TNFSF4: variants seen among roughly 807,000 people sequenced by gnomAD.
TNFSF4 encodes TNF superfamily member 4.
TNFSF4 carries 4 observed loss-of-function variants against 7.3 expected under a neutral mutation model. The observed-to-expected ratio is 0.55, with a 90% CI of 0.27 to 1.25. The LOEUF (loss-of-function observed/expected upper bound fraction) is 1.25. Among genes scored for constraint, TNFSF4 ranks in the 50% most tolerant of loss-of-function variants. The pLI, the probability that TNFSF4 is intolerant of heterozygous loss-of-function variation, is 0.12. For missense variants in TNFSF4, 181 were observed against 208.8 expected (o/e 0.87, Z 0.82); for synonymous variants, 76 against 83.7 (o/e 0.91, Z 0.50).
chr1:173,261,442 C>A, the TNFSF4 span, among the ~76,000 whole-genome samples: 2 of 151,734 alleles, frequency 1.3e-5, no homozygotes, highest in Non-Finnish European at 2.9e-5. Context: ...GCAAACAAAC[C>A]CCAAAGCTAG....
At chr1:173,282,544 C>T in the TNFSF4 span, among the ~76,000 whole-genome samples, 4 of 151,886 alleles carry the variant, frequency 2.6e-5, no homozygotes, top group Non-Finnish European at 5.9e-5. Flanking sequence ...CTGCAACCTC[C>T]ACCTCCCAGG....
the TNFSF4 span, among the ~76,000 whole-genome samples, chr1:173,372,984 G>T: frequency 1.4e-3 from 218 of 152,344 alleles, 1 homozygote; most frequent in African/African-American, 4.8e-3. Context: ...AACAGTACTT[G>T]AAAGTAAGCC....
At chr1:173,307,976 G>A in the TNFSF4 span, among the ~76,000 whole-genome samples, 1 of 151,870 alleles carries the variant, frequency 6.6e-6, no homozygotes, top group Non-Finnish European at 1.5e-5. Context: ...TAGTAAGGTG[G>A]AGCACCTGGT....
the TNFSF4 span, among the ~76,000 whole-genome samples, chr1:173,378,496 C>A: frequency 1.3e-5 from 2 of 152,156 alleles, no homozygotes; most frequent in African/African-American, 2.4e-5. Context: ...CCATTGGGAC[C>A]AATTTGACTC....
chr1:173,328,361 G>A, the TNFSF4 span, among the ~76,000 whole-genome samples: 13 of 126,202 alleles, frequency 1.0e-4, no homozygotes, highest in East Asian at 3.5e-3. Flanking sequence ...TTGTGGGGTC[G>A]GGGGAGGGGG....
the TNFSF4 span, among the ~76,000 whole-genome samples, chr1:173,315,775 C>T: frequency 6.6e-6 from 1 of 152,062 alleles, no homozygotes; most frequent in Admixed American, 6.6e-5. Flanking sequence ...TGTTTGAATT[C>T]CTTAAATATT....
chr1:173,367,840 C>T, the TNFSF4 span, among the ~76,000 whole-genome samples: 45 of 152,254 alleles, frequency 3.0e-4, no homozygotes, highest in African/African-American at 8.4e-4. Context: ...TTGACCTACA[C>T]CTGTCTCTAC....
the TNFSF4 span, among the ~76,000 whole-genome samples, chr1:173,235,792 T>C: frequency 2.8e-3 from 422 of 152,330 alleles, 1 homozygote; most frequent in Admixed American, 3.9e-3. Context: ...TCAACAAATT[T>C]TTAAGTGTAC....
At chr1:173,277,377 T>C in the TNFSF4 span, among the ~76,000 whole-genome samples, 48 of 152,116 alleles carry the variant, frequency 3.2e-4, no homozygotes, top group African/African-American at 1.1e-3. Flanking sequence ...GAGATTAGAG[T>C]TCTGCTGTGA....
the TNFSF4 span, among the ~76,000 whole-genome samples, chr1:173,237,255 A>C: frequency 6.1e-4 from 93 of 152,326 alleles, no homozygotes; most frequent in Non-Finnish European, 7.6e-4. Flanking sequence ...GTGAGAACAG[A>C]CTAATACAAT....
chr1:173,442,675 T>C, the TNFSF4 span, among the ~76,000 whole-genome samples: 2 of 150,148 alleles, frequency 1.3e-5, no homozygotes, highest in South Asian at 4.3e-4. Context: ...CTCAGCCTCC[T>C]GAGTAGCTGG....
At chr1:173,362,042 T>A in the TNFSF4 span, among the ~76,000 whole-genome samples, 1 of 152,218 alleles carries the variant, frequency 6.6e-6, no homozygotes, top group East Asian at 1.9e-4. Context: ...GAGTATCTTA[T>A]CATATACCAT....
chr1:173,208,023 G>A (rs181758110), upstream of TNFSF4, among the ~76,000 whole-genome samples: 31 of 152,102 alleles, frequency 2.0e-4, 1 homozygote, highest in East Asian at 3.5e-3. Context: ...CATTTTTCCC[G>A]TACATAATTT....
At chr1:173,183,688 T>C (rs1649102783), downstream of TNFSF4, 1 of 152,140 alleles carries the variant, frequency 6.6e-6, no homozygotes, top group African/African-American at 2.4e-5. Context: ...ACTCAGAACA[T>C]GGAGAAGACA....
chr1:173,298,067 G>A, the TNFSF4 span, among the ~76,000 whole-genome samples: 1 of 151,880 alleles, frequency 6.6e-6, no homozygotes, highest in African/African-American at 2.4e-5. Context: ...CAGGACAGGG[G>A]CTGAGAGAGG....
chr1:173,278,938 A>G, the TNFSF4 span, among the ~76,000 whole-genome samples: 3 of 152,114 alleles, frequency 2.0e-5, no homozygotes, highest in African/African-American at 7.2e-5. Flanking sequence ...TTGAGGAACA[A>G]CATATTTGTA....
chr1:173,401,969 C>T, the TNFSF4 span, among the ~76,000 whole-genome samples: 1 of 152,158 alleles, frequency 6.6e-6, no homozygotes, highest in African/African-American at 2.4e-5. Flanking sequence ...AAGTTTGTGC[C>T]AGCTAGAGCT....
the TNFSF4 span, among the ~76,000 whole-genome samples, chr1:173,332,465 A>G: frequency 1.7e-4 from 26 of 150,978 alleles, no homozygotes; most frequent in Middle Eastern, 7.1e-3. Flanking sequence ...CAGGAGGCGG[A>G]GGATGCAGTG....
the TNFSF4 span, among the ~76,000 whole-genome samples, chr1:173,236,703 G>A: frequency 6.6e-6 from 1 of 151,920 alleles, no homozygotes; most frequent in Non-Finnish European, 1.5e-5. Context: ...TGGAACAGGA[G>A]GACATAATAT....
Sources: gnomAD v4.1 joint callset for allele counts (sites outside exome capture counted in the v4.1 genomes callset) on GRCh38, gnomAD v4.1.1 for gene constraint, MANE v1.5 for transcripts, NCBI Gene and HGNC (gene_info 2026-07-23, HGNC 2026-07-21) for gene names.